The following ANO4 variants were observed in gnomAD, a reference collection of about 807,000 sequenced individuals.
The protein encoded by ANO4 is anoctamin 4.
ANO4 carries 69 observed loss-of-function variants against 141.9 expected under a neutral mutation model. The ratio of observed to expected loss-of-function variants is 0.49; its 90% CI spans 0.40 to 0.59. The LOEUF (loss-of-function observed/expected upper bound fraction) is 0.59, where lower values mean the gene tolerates loss of function less well. Ranked by LOEUF, ANO4 falls within the 20% of genes least tolerant of loss-of-function variation. ANO4 has a pLI of 0.00. For missense variants in ANO4, 894 were observed against 1,162.2 expected, an observed-to-expected ratio of 0.77 and a Z score of 3.36; for synonymous variants, 350 against 394.3, an observed-to-expected ratio of 0.89 and a Z score of 1.33.
intron 5 of ANO4, among the ~76,000 whole-genome samples, chr12:100,969,164 T>A (rs1206657734): frequency 6.6e-6 from 1 of 152,208 alleles, no homozygotes; most frequent in South Asian, 2.1e-4. Flanking sequence ...ACGGCCCACA[T>A]TTCACTAATC....
chr12:101,073,218 T>C (rs2048890911), intron 14 of ANO4, among the ~76,000 whole-genome samples: 1 of 150,288 alleles, frequency 6.7e-6, no homozygotes, highest in Admixed American at 6.6e-5. Flanking sequence ...GTGGCACATA[T>C]ACACCATGGC....
intron 13 of ANO4, among the ~76,000 whole-genome samples, chr12:101,045,508 G>A (rs1376447101): frequency 1.3e-5 from 2 of 152,180 alleles, no homozygotes; most frequent in Non-Finnish European, 2.9e-5. Flanking sequence ...TATTAGAGAT[G>A]TCAGAGTGAT....
At position 100,909,080 on chromosome 12, in the gene ANO4, A is replaced by G. The variant is rs58400554; in HGVS notation, c.55+7240A>G. Among the ~76,000 whole-genome samples the G allele has an allele frequency of 7.0e-4, 106 of 152,342 alleles. 1 individual carries two copies. In the East Asian group the frequency reaches 0.017, roughly 25 times the overall value. On this transcript the variant is annotated intron_variant, in intron 2 of 27. Coordinates refer to ENST00000392977, the MANE Select transcript of ANO4 (RefSeq NM_001286615.2). ...TTGTTACCAACAAGAGAAACTAATC[A>G]TTTAGTCCAAACAAAGAAGGAATTT... is the stretch of plus-strand genomic sequence containing the variant.
In ANO4 at chr12:101,120,943, C is replaced by T. The variant is rs543439843; in HGVS notation, c.2676+318C>T. 2.2e-4 allele frequency among the ~76,000 whole-genome samples: 33 copies of T among 152,314 alleles called. No individual in the cohort carries two copies. The South Asian group carries it at 6.6e-3, about 31-fold the overall frequency. ...CCATCCTCACTCCCAGATATTCTGA[C>T]ATACCATGTCTGTGGCTTGTTTTTC... On this transcript the variant is annotated intron_variant, in intron 26 of 27. Coordinates refer to ENST00000392977, the MANE Select transcript of ANO4 (RefSeq NM_001286615.2).
chr12:100,724,017 CAAACAAA>C (rs1254828105), intron 1 of ANO4, among the ~76,000 whole-genome samples: 1 of 105,098 alleles, frequency 9.5e-6, no homozygotes, highest in Non-Finnish European at 1.8e-5. Context: ...AAAACAAAAA[CAAACAAA>C]AAACAAAAAA....
At chr12:100,798,500 C>G (rs559857996) in intron 1 of ANO4, among the ~76,000 whole-genome samples, 1 of 152,154 alleles carries the variant, frequency 6.6e-6, no homozygotes, top group Non-Finnish European at 1.5e-5. Context: ...GCTTCATGAG[C>G]TGTGTTGAAT....
intron 1 of ANO4, among the ~76,000 whole-genome samples, chr12:100,834,185 A>G (rs1180244144): frequency 6.6e-6 from 1 of 152,084 alleles, no homozygotes; most frequent in Admixed American, 6.5e-5. Flanking sequence ...TGCTTCTTCC[A>G]CTGTTGTGGC....
intron 8 of ANO4, among the ~76,000 whole-genome samples, chr12:101,005,748 T>C (rs2045846210): frequency 6.6e-6 from 1 of 152,250 alleles, no homozygotes; most frequent in African/African-American, 2.4e-5. Flanking sequence ...TAGATAATTT[T>C]AGTATATGTG....
At chr12:101,120,306 G>C (rs576858544) in intron 25 of ANO4, among the ~76,000 whole-genome samples, 1 of 152,218 alleles carries the variant, frequency 6.6e-6, no homozygotes, top group South Asian at 2.1e-4. Flanking sequence ...CAGGTGGAGG[G>C]GGAAGTCCTA....
intron 14 of ANO4, among the ~76,000 whole-genome samples, chr12:101,077,435 T>C (rs12580018): frequency 0.15 from 22,850 of 152,174 alleles, 1,787 homozygotes; most frequent in East Asian, 0.21. Context: ...GGGGATGGTC[T>C]TGGGGATTCC....
chr12:101,106,353 A>G (rs781121367), intron 22 of ANO4, among the ~76,000 whole-genome samples: 3 of 152,094 alleles, frequency 2.0e-5, no homozygotes, highest in Admixed American at 6.6e-5. Context: ...GAAAGGGTAA[A>G]TTAAAAGGAG....
intron 2 of ANO4, among the ~76,000 whole-genome samples, chr12:100,904,925 T>A (rs1194256563): frequency 6.6e-6 from 1 of 151,972 alleles, no homozygotes; most frequent in African/African-American, 2.4e-5. Context: ...GAATTTAGAG[T>A]CTGGATATAT....
intron 9 of ANO4, among the ~76,000 whole-genome samples, chr12:101,033,155 A>C (rs1056209180): frequency 6.6e-6 from 1 of 152,214 alleles, no homozygotes; most frequent in Non-Finnish European, 1.5e-5. Flanking sequence ...TGATGAGTTC[A>C]TGTCCTTTGT....
intron 1 of ANO4, among the ~76,000 whole-genome samples, chr12:100,889,440 C>T (rs1416946674): frequency 6.6e-6 from 1 of 152,038 alleles, no homozygotes; most frequent in African/African-American, 2.4e-5. Flanking sequence ...GTTCTAGATC[C>T]CTGAGGAATC....
chr12:100,762,454 G>C (rs563714374), intron 3 of ANO4, among the ~76,000 whole-genome samples: 1 of 152,142 alleles, frequency 6.6e-6, no homozygotes, highest in African/African-American at 2.4e-5. Flanking sequence ...AATCTCTAGT[G>C]CTTTTGACTT....
chr12:100,956,324 T>G (rs2043174199), intron 5 of ANO4, among the ~76,000 whole-genome samples: 1 of 152,226 alleles, frequency 6.6e-6, no homozygotes, highest in East Asian at 1.9e-4. Flanking sequence ...AGTACTTTGT[T>G]TTTCAGCTCC....
At chr12:100,732,326 C>T (rs192295377) in intron 1 of ANO4, among the ~76,000 whole-genome samples, 106 of 152,244 alleles carry the variant, frequency 7.0e-4, no homozygotes, top group African/African-American at 2.5e-3. Flanking sequence ...TGGTGTCTGA[C>T]GTGGAGCATC....
At chr12:100,745,148 G>A (rs966459662) in intron 3 of ANO4, among the ~76,000 whole-genome samples, 18 of 152,222 alleles carry the variant, frequency 1.2e-4, no homozygotes, top group African/African-American at 3.6e-4. Context: ...ATGTCTCACC[G>A]CTCTGTACAG....
chr12:100,763,434 A>G (rs995371303), intron 3 of ANO4, among the ~76,000 whole-genome samples: 4 of 152,226 alleles, frequency 2.6e-5, no homozygotes, highest in Admixed American at 6.5e-5. Context: ...ATTTCACACT[A>G]AAGATCAAGT....
Sources: gnomAD v4.1 joint callset for allele counts (sites outside exome capture counted in the v4.1 genomes callset) on GRCh38, gnomAD v4.1.1 for gene constraint, MANE v1.5 for transcripts, NCBI Gene and HGNC (gene_info 2026-07-23, HGNC 2026-07-21) for gene names.